The following DOK5 variants were observed in gnomAD, a reference collection of about 807,000 sequenced individuals.
The protein encoded by DOK5 is downstream of tyrosine kinase 5.
In DOK5, 27 loss-of-function variants were observed where a neutral mutation model predicts 43.3. The observed-to-expected ratio is 0.62, with a 90% CI of 0.46 to 0.86. DOK5 has a LOEUF of 0.86. DOK5 is among the 40% of genes least tolerant of loss of function. The pLI is 0.00. For synonymous variants in DOK5, 146 were observed against 140.1 expected (o/e 1.04, Z -0.30); for missense variants, 373 against 392.9 (o/e 0.95, Z 0.43).
chr20:54,609,271 C>T (rs750517554), intron 5 of DOK5, among the ~76,000 whole-genome samples: 13 of 152,124 alleles, frequency 8.5e-5, no homozygotes, highest in Non-Finnish European at 1.8e-4. Flanking sequence ...CTGAAGCTAC[C>T]GTTCAGTTTT....
intron 1 of DOK5, among the ~76,000 whole-genome samples, chr20:54,487,901 A>G (rs573173492): frequency 2.6e-5 from 4 of 152,336 alleles, no homozygotes; most frequent in Non-Finnish European, 5.9e-5. Flanking sequence ...TCGTCAATGG[A>G]CTAACTCTTT....
chr20:54,533,854 A>G (rs1983863295), intron 1 of DOK5, among the ~76,000 whole-genome samples: 1 of 152,150 alleles, frequency 6.6e-6, no homozygotes, highest in Non-Finnish European at 1.5e-5. Flanking sequence ...GGACAATTAT[A>G]TTTTTGATTA....
chr20:54,637,661 A>G (rs568831021), intron 6 of DOK5, among the ~76,000 whole-genome samples: 6 of 152,260 alleles, frequency 3.9e-5, no homozygotes, highest in Non-Finnish European at 8.8e-5. Flanking sequence ...GCCTTGGGCT[A>G]ACAGTGCTTC....
At chr20:54,502,865 G>A (rs1476603129) in intron 1 of DOK5, among the ~76,000 whole-genome samples, 1 of 151,976 alleles carries the variant, frequency 6.6e-6, no homozygotes, top group Non-Finnish European at 1.5e-5. Flanking sequence ...ATTATAAATA[G>A]TACTACAATG....
chr20:54,616,770 C>CTTTTTTT (rs768379251), intron 6 of DOK5, among the ~76,000 whole-genome samples: 28 of 120,608 alleles, frequency 2.3e-4, no homozygotes, highest in African/African-American at 3.2e-4. Context: ...GATCCACTTT[C>CTTTTTTT]TTTTTTTTTT....
Position 54,481,723 on chromosome 20 carries a change from C to G in DOK5, c.66+5711C>G, listed in dbSNP as rs78787542. On this transcript the variant is annotated intron_variant, in intron 1 of 7. Coordinates refer to ENST00000262593, the MANE Select transcript of DOK5 (RefSeq NM_018431.5). ...GTGGAATAAATTAATGACCCCATCA[C>G]TGTGTTGTGGCTTAAGAGCATAGGC... Among the ~76,000 whole-genome samples, 9 of 152,348 alleles carry G rather than the reference C, an allele frequency of 5.9e-5. No homozygotes were observed. In the East Asian group the frequency reaches 1.7e-3, roughly 29 times the overall value.
intron 2 of DOK5, among the ~76,000 whole-genome samples, chr20:54,583,464 T>C (rs568421370): frequency 2.0e-4 from 30 of 152,330 alleles, no homozygotes; most frequent in Admixed American, 1.8e-3. Flanking sequence ...CTATCCATTA[T>C]TGAAAGTGGG....
At chr20:54,597,548 G>A (rs1395025463) in intron 5 of DOK5, among the ~76,000 whole-genome samples, 2 of 152,114 alleles carry the variant, frequency 1.3e-5, no homozygotes, top group African/African-American at 4.8e-5. Context: ...ACAAACTAGG[G>A]GATACAGTTA....
intron 1 of DOK5, among the ~76,000 whole-genome samples, chr20:54,550,672 C>G (rs1815524413): frequency 6.6e-6 from 1 of 152,096 alleles, no homozygotes; most frequent in African/African-American, 2.4e-5. Context: ...GTTTTTTTCA[C>G]TCAGTATAAT....
In DOK5 at chr20:54,537,113, C is replaced by T. The variant is rs564869751; in HGVS notation, c.67-17820C>T. Among the ~76,000 whole-genome samples the T allele has an allele frequency of 1.9e-4, 29 of 152,246 alleles. No homozygotes were observed. The South Asian group carries it at 2.1e-3, about 11-fold the overall frequency. On this transcript the variant is annotated intron_variant, in intron 1 of 7. Transcript: ENST00000262593. ...CTACCACCCCAACCCAGCAATAATGCGGGGGCCTGTCAAGTATCATTATCA... is the reference window on the plus strand; with the variant it reads ...CTACCACCCCAACCCAGCAATAATGTGGGGGCCTGTCAAGTATCATTATCA...
chr20:54,494,413 T>A (rs1284830409), intron 1 of DOK5, among the ~76,000 whole-genome samples: 1 of 152,214 alleles, frequency 6.6e-6, no homozygotes, highest in Non-Finnish European at 1.5e-5. Flanking sequence ...GAGCTAGACC[T>A]GTGTGGTGAG....
Position 54,569,728 on chromosome 20 carries a change from A to G in DOK5, c.174+14688A>G, listed in dbSNP as rs373603601. Among the ~76,000 whole-genome samples, 85 of 152,322 alleles carry G rather than the reference A, an allele frequency of 5.6e-4. 1 individual carries two copies. In the South Asian group the frequency reaches 0.017, roughly 30 times the overall value. On this transcript the variant is annotated intron_variant, in intron 2 of 7. Transcript: ENST00000262593. The stretch of plus-strand genomic sequence containing the variant: ...CAGATGCAAACTTCTCAACTTAAGC[A>G]TTTTTAAAAGAATGCACGGTGCACA...
At chr20:54,570,534 C>T (rs750769456) in intron 2 of DOK5, among the ~76,000 whole-genome samples, 21 of 152,152 alleles carry the variant, frequency 1.4e-4, no homozygotes, top group East Asian at 1.9e-4. Context: ...CAAAGCAAGG[C>T]GGAAAATTAC....
intron 1 of DOK5, among the ~76,000 whole-genome samples, chr20:54,486,978 C>T (rs369441755): frequency 1.9e-4 from 29 of 152,242 alleles, no homozygotes; most frequent in African/African-American, 6.7e-4. Flanking sequence ...ATTCTATCTT[C>T]CTCTTGCTGT....
chr20:54,511,092 C>A (rs1457278380), intron 1 of DOK5, among the ~76,000 whole-genome samples: 1 of 152,172 alleles, frequency 6.6e-6, no homozygotes, highest in Admixed American at 6.5e-5. Flanking sequence ...ACTTCATGAG[C>A]TAGGTAGCAT....
At position 54,614,932 on chromosome 20, in the gene DOK5, A is replaced by AT. The variant is rs1439084246; in HGVS notation, c.735+4411dup. Among the ~76,000 whole-genome samples, 3 of 152,204 alleles carry AT rather than the reference A, an allele frequency of 2.0e-5. No individual in the cohort carries two copies. In the East Asian group the frequency reaches 5.8e-4, roughly 29 times the overall value. The stretch of plus-strand genomic sequence containing the variant: ...GGTTATTGTTTTGCCTTTTCTGGTA[A>AT]TTAAGAGTGGATCCACATAGCCCTG... On this transcript the variant is annotated intron_variant, in intron 6 of 7. Coordinates refer to ENST00000262593, the MANE Select transcript of DOK5 (RefSeq NM_018431.5).
intron 1 of DOK5, among the ~76,000 whole-genome samples, chr20:54,553,762 T>C (rs1984614649): frequency 6.6e-6 from 1 of 151,390 alleles, no homozygotes; most frequent in African/African-American, 2.4e-5. Context: ...CTGGGCCTAG[T>C]TGTGCTTGCC....
At chr20:54,495,995 A>T (rs951055182) in intron 1 of DOK5, among the ~76,000 whole-genome samples, 3 of 152,220 alleles carry the variant, frequency 2.0e-5, no homozygotes, top group Non-Finnish European at 4.4e-5. Context: ...ACAGAAGTAA[A>T]TTTCTGAAGT....
intron 1 of DOK5, among the ~76,000 whole-genome samples, chr20:54,538,062 C>T (rs968683202): frequency 6.6e-6 from 1 of 151,950 alleles, no homozygotes; most frequent in Admixed American, 6.6e-5. Flanking sequence ...TGGTCTTGAA[C>T]TCCTGACCTC....
Sources: gnomAD v4.1 joint callset for allele counts (sites outside exome capture counted in the v4.1 genomes callset) on GRCh38, gnomAD v4.1.1 for gene constraint, MANE v1.5 for transcripts, NCBI Gene and HGNC (gene_info 2026-07-23, HGNC 2026-07-21) for gene names.